ARL13B: variants seen among roughly 807,000 people sequenced by gnomAD.
ARL13B encodes ADP-ribosylation factor-like protein 13B.
In ARL13B, 36 loss-of-function variants were observed where a neutral mutation model predicts 56.1. That is an observed-to-expected ratio of 0.64 (90% CI 0.49 to 0.85). The LOEUF (loss-of-function observed/expected upper bound fraction) is 0.85. Ranked by LOEUF, ARL13B falls within the 40% of genes least tolerant of loss-of-function variation. The probability of loss-of-function intolerance (pLI) is 0.00; values close to 1 mark genes in which losing one functional copy is unlikely to be tolerated. For missense variants in ARL13B, 519 were observed against 507.1 expected, an observed-to-expected ratio of 1.02 and a Z score of -0.23; for synonymous variants, 178 against 171.1, an observed-to-expected ratio of 1.04 and a Z score of -0.32.
chr3:94,027,305 A>T (rs2076577919), intron 3 of ARL13B, among the ~76,000 whole-genome samples: 1 of 152,052 alleles, frequency 6.6e-6, no homozygotes, highest in South Asian at 2.1e-4. Context: ...ACTAAAAAAA[A>T]ATTGCAAATT....
At chr3:94,049,876 G>A (rs577963273) in intron 8 of ARL13B, among the ~76,000 whole-genome samples, 2 of 151,778 alleles carry the variant, frequency 1.3e-5, no homozygotes, top group African/African-American at 2.4e-5. Flanking sequence ...GAACCGGCTC[G>A]GCATGGTGGC....
At chr3:94,036,222 T>G (rs1287605313) in intron 4 of ARL13B, among the ~76,000 whole-genome samples, 1 of 152,230 alleles carries the variant, frequency 6.6e-6, no homozygotes, top group Non-Finnish European at 1.5e-5. Context: ...TATTGTAGTA[T>G]AAGGAATTAA....
chr3:93,998,242 A>G (rs1553829617), intron 2 of ARL13B, among the ~76,000 whole-genome samples: 1 of 152,162 alleles, frequency 6.6e-6, no homozygotes, highest in Non-Finnish European at 1.5e-5. Flanking sequence ...AAAGCCTGAC[A>G]TTCATGGGAG....
chr3:93,984,828 G>A lies in ARL13B; in HGVS notation c.59+4346G>A, dbSNP rs1272828462. Among the ~76,000 whole-genome samples, 5 of 152,088 alleles carry A rather than the reference G, an allele frequency of 3.3e-5. No homozygotes were observed. The East Asian group carries it at 9.7e-4, about 29-fold the overall frequency. On this transcript the variant is annotated intron_variant, in intron 1 of 9. Transcript: ENST00000394222. ...TTGAGATCAGCCTGGGCAATATAGT[G>A]AGACCCCATCCGTACAAAAATGTTT... is the stretch of plus-strand genomic sequence containing the variant.
intron 2 of ARL13B, among the ~76,000 whole-genome samples, chr3:94,000,845 G>A (rs1000920075): frequency 6.6e-6 from 1 of 152,056 alleles, no homozygotes; most frequent in Non-Finnish European, 1.5e-5. Context: ...ATTCTCAATT[G>A]GAGACCATGT....
intron 5 of ARL13B, among the ~76,000 whole-genome samples, chr3:94,037,871 T>C (rs2076795849): frequency 6.6e-6 from 1 of 152,190 alleles, no homozygotes; most frequent in South Asian, 2.1e-4. Context: ...TTCTAGATCA[T>C]GTTATGGCAG....
intron 3 of ARL13B, among the ~76,000 whole-genome samples, chr3:94,024,587 T>A (rs968334831): frequency 1.3e-5 from 2 of 152,138 alleles, no homozygotes; most frequent in Non-Finnish European, 2.9e-5. Flanking sequence ...TTGGGCGTGT[T>A]GTTTTGTTTT....
chr3:94,032,542 G>A (rs2076694251), intron 3 of ARL13B, among the ~76,000 whole-genome samples: 2 of 152,090 alleles, frequency 1.3e-5, no homozygotes, highest in Admixed American at 1.3e-4. Flanking sequence ...TGTTGCCCAG[G>A]CTGAAGTGTA....
intron 3 of ARL13B, among the ~76,000 whole-genome samples, chr3:94,030,791 ATAT>A (rs1372565664): frequency 2.0e-5 from 3 of 152,220 alleles, no homozygotes; most frequent in South Asian, 2.1e-4. Context: ...AATCATATTG[ATAT>A]TATTATGTTA....
chr3:93,982,940 G>A (rs1281841509), intron 1 of ARL13B, among the ~76,000 whole-genome samples: 1 of 152,022 alleles, frequency 6.6e-6, no homozygotes, highest in Non-Finnish European at 1.5e-5. Flanking sequence ...TGCTTTTATG[G>A]TGTTCTCTAT....
At chr3:94,003,612 C>G in intron 2 of ARL13B, 47 bp from the exon 3 acceptor site, 1 of 1,594,752 alleles carries the variant, frequency 6.3e-7, no homozygotes, top group Non-Finnish European at 8.6e-7. Flanking sequence ...TTAACGTTGT[C>G]AATTAAAGTC....
chr3:94,037,806 A>G (rs1293361148), intron 5 of ARL13B, among the ~76,000 whole-genome samples: 4 of 152,126 alleles, frequency 2.6e-5, no homozygotes, highest in Non-Finnish European at 4.4e-5. Context: ...GAGTTGGATA[A>G]AAGAAATCTA....
In ARL13B at chr3:94,015,414, G is replaced by GA. The variant is rs550283124; in HGVS notation, c.380+11512dup. On this transcript the variant is annotated intron_variant, in intron 3 of 9. Coordinates refer to ENST00000394222, the MANE Select transcript of ARL13B (RefSeq NM_001174150.2). ...TTTCTCAAATGAGGTTAAAAAGTTA[G>GA]AAAAAACCAATGAGTTTCCTCATAA... The GA allele has an allele frequency of 1.0e-4, 58 of 568,150 alleles. No individual in the cohort carries two copies. The South Asian group carries it at 1.9e-3, about 19-fold the overall frequency. 35.2% of individuals were successfully genotyped at this position (568,150 alleles called of 1,614,324 possible).
At chr3:93,993,219 GCGTT>G (rs1413541701) in intron 1 of ARL13B, among the ~76,000 whole-genome samples, 1 of 152,092 alleles carries the variant, frequency 6.6e-6, no homozygotes, top group Non-Finnish European at 1.5e-5. Context: ...TCTGCCTCCT[GCGTT>G]CAAGCGATTC....
At chr3:93,994,403 A>G (rs1188787100) in intron 1 of ARL13B, among the ~76,000 whole-genome samples, 9 of 113,662 alleles carry the variant, frequency 7.9e-5, no homozygotes, top group South Asian at 2.8e-4. Context: ...CCCACCCCCA[A>G]CCTTGATCCC....
chr3:94,001,332 G>A (rs545762312), intron 2 of ARL13B, among the ~76,000 whole-genome samples: 1 of 151,866 alleles, frequency 6.6e-6, no homozygotes, highest in Non-Finnish European at 1.5e-5. Flanking sequence ...ATATAACCTT[G>A]AAAAAAAATC....
At chr3:94,009,857 A>G (rs971675887) in intron 3 of ARL13B, among the ~76,000 whole-genome samples, 2 of 152,136 alleles carry the variant, frequency 1.3e-5, no homozygotes, top group African/African-American at 4.8e-5. Flanking sequence ...ATTCTCAGCC[A>G]ATTGATTTTG....
intron 3 of ARL13B, among the ~76,000 whole-genome samples, chr3:94,025,224 T>TTTATTTATTTATTTA (rs1559994096): frequency 6.6e-6 from 1 of 152,126 alleles, no homozygotes; most frequent in Non-Finnish European, 1.5e-5. Flanking sequence ...ATATGTCCTT[T>TTTATTTATTTATTTA]TTATTAATCT....
At chr3:93,980,528 G>T in intron 1 of ARL13B, 46 bp downstream of exon 1, 1 of 1,603,380 alleles carries the variant, frequency 6.2e-7, no homozygotes. Context: ...GTTGGAGATG[G>T]CTGCGCCCCA....
Sources: gnomAD v4.1 joint callset for allele counts (sites outside exome capture counted in the v4.1 genomes callset) on GRCh38, gnomAD v4.1.1 for gene constraint, MANE v1.5 for transcripts, NCBI Gene and HGNC (gene_info 2026-07-23, HGNC 2026-07-21) for gene names.